CREB5: variants seen among roughly 807,000 people sequenced by gnomAD.
CREB5 encodes cAMP responsive element binding protein 5, also known as cyclic AMP-responsive element-binding protein 5.
A neutral mutation model predicts 57.1 loss-of-function variants in CREB5; 19 were observed. The ratio of observed to expected loss-of-function variants is 0.33; its 90% CI spans 0.23 to 0.49. The LOEUF (loss-of-function observed/expected upper bound fraction) is 0.49, where lower values mean the gene tolerates loss of function less well. Ranked by LOEUF, CREB5 falls within the 20% of genes least tolerant of loss-of-function variation. CREB5 has a pLI of 0.99. For missense variants in CREB5, 579 were observed against 671.6 expected, an observed-to-expected ratio of 0.86 and a Z score of 1.52; for synonymous variants, 238 against 238.3, an observed-to-expected ratio of 1.00 and a Z score of 0.01.
At position 28,560,913 on chromosome 7, in the gene CREB5, T is replaced by TGTGC. The variant is rs1211404751; in HGVS notation, c.292-9451_292-9450insTGCG. 1.0e-3 allele frequency among the ~76,000 whole-genome samples: 22 copies of TGTGC among 21,992 alleles called. 2 individuals carry two copies. Among genetic ancestry groups the TGTGC allele is most frequent in the African/African-American group, 1.8e-3 (11 of 6,002 alleles). The allele number at this position is 21,992 out of a possible 152,430, so 14.4% of individuals were successfully genotyped here. A position where few individuals can be genotyped will look rare whatever the true frequency, so the allele number is the denominator to read the frequency against. On this transcript the variant is annotated intron_variant, in intron 4 of 10. Transcript: ENST00000357727. ...GTGTGTGTGCGTGCGCGCGTGCGTGTGCGTGTGTGCGCGTGCGTGTGTGCG... is the reference window on the plus strand; with the variant it reads ...GTGTGTGTGCGTGCGCGCGTGCGTGTGTGCGCGTGTGTGCGCGTGCGTGTGTGCG...
chr7:28,313,427 G>A (rs374372659), intron 1 of CREB5, among the ~76,000 whole-genome samples: 1 of 152,256 alleles, frequency 6.6e-6, no homozygotes, highest in East Asian at 1.9e-4. Flanking sequence ...TTAACAGAAA[G>A]TATTTTTATT....
intron 5 of CREB5, among the ~76,000 whole-genome samples, chr7:28,713,451 T>TAAAA (rs1802511743): frequency 6.6e-6 from 1 of 152,252 alleles, no homozygotes. Context: ...AAAGCCTTTT[T>TAAAA]AATCAACTTC....
chr7:28,666,847 A>C (rs1429462963), intron 5 of CREB5, among the ~76,000 whole-genome samples: 1 of 151,954 alleles, frequency 6.6e-6, no homozygotes, highest in African/African-American at 2.4e-5. Flanking sequence ...CGGGAGGATC[A>C]ATTGAGCTCA....
chr7:28,300,098 A>G (rs1342832716), intron 1 of CREB5, among the ~76,000 whole-genome samples: 1 of 117,298 alleles, frequency 8.5e-6, no homozygotes, highest in African/African-American at 3.2e-5. Flanking sequence ...TTATTTATTT[A>G]TTACTACCTT....
At chr7:28,676,240 T>C (rs1800317534) in intron 5 of CREB5, among the ~76,000 whole-genome samples, 1 of 152,188 alleles carries the variant, frequency 6.6e-6, no homozygotes, top group South Asian at 2.1e-4. Context: ...ACACACAGAT[T>C]ATTGCATTAT....
chr7:28,368,690 T>A (rs6948592), intron 1 of CREB5, among the ~76,000 whole-genome samples: 1 of 152,020 alleles, frequency 6.6e-6, no homozygotes, highest in African/African-American at 2.4e-5. Context: ...CTTTTAGAAA[T>A]CCTCCCTGAC....
intron 1 of CREB5, among the ~76,000 whole-genome samples, chr7:28,455,244 C>T (rs531827852): frequency 3.9e-5 from 6 of 152,152 alleles, no homozygotes; most frequent in East Asian, 1.9e-4. Context: ...AGCCCCGAGC[C>T]GAACTGCAGG....
At position 28,588,583 on chromosome 7, in the gene CREB5, C is replaced by T. The variant is rs567210533; in HGVS notation, c.464+18046C>T. 3.3e-5 allele frequency among the ~76,000 whole-genome samples: 5 copies of T among 152,222 alleles called. No individual in the cohort carries two copies. In the South Asian group the frequency reaches 8.3e-4, roughly 25 times the overall value. ...TGTTTTTATCTTCTTCAGTACCTTT[C>T]AACAAAATACGCATCCTTCATTCAG... On this transcript the variant is annotated intron_variant, in intron 5 of 10. Transcript: ENST00000357727.
chr7:28,445,232 C>T (rs777811208), intron 1 of CREB5, among the ~76,000 whole-genome samples: 3 of 152,178 alleles, frequency 2.0e-5, no homozygotes, highest in Non-Finnish European at 2.9e-5. Flanking sequence ...TTATAAATTA[C>T]TCAGTCTCAG....
rs550409575 is a variant in CREB5 at position 28,507,677 on chromosome 7, G to T, written c.231G>T (p.Glu77Asp). 37 of 1,612,774 alleles carry T rather than the reference G, an allele frequency of 2.3e-5. No homozygotes were observed. Among genetic ancestry groups the T allele is most frequent in the Non-Finnish European group, 3.1e-5 (37 of 1,179,054 alleles). The change falls in exon 4 of 11, where the codon GAG becomes GAT. Residue 77 changes from glutamate to aspartate, a missense_variant. Coordinates refer to ENST00000357727, the MANE Select transcript of CREB5 (RefSeq NM_182898.4). Reference sequence around the variant, plus strand: ...GCGAGGAGGTGGGCCTCTTCAGCGAGCTGGACTGCTCCCTGGAGCACGAGT... The same window carrying T: ...GCGAGGAGGTGGGCCTCTTCAGCGATCTGGACTGCTCCCTGGAGCACGAGT... The part of the protein sequence containing the change: ...KNCEEVGLFS[E>D]LDCSLEHEFR...
At chr7:28,705,159 T>C (rs1802044353) in intron 5 of CREB5, among the ~76,000 whole-genome samples, 1 of 151,846 alleles carries the variant, frequency 6.6e-6, no homozygotes, top group African/African-American at 2.4e-5. Flanking sequence ...GGTCAGGAGT[T>C]CAAGACCAGC....
chr7:28,495,927 C>T (rs769235346), intron 3 of CREB5, among the ~76,000 whole-genome samples: 3 of 152,040 alleles, frequency 2.0e-5, no homozygotes, highest in Non-Finnish European at 4.4e-5. Flanking sequence ...AATCCATTAG[C>T]TAATTGTGAT....
chr7:28,596,027 A>G (rs1796681303), intron 5 of CREB5, among the ~76,000 whole-genome samples: 1 of 152,196 alleles, frequency 6.6e-6, no homozygotes, highest in South Asian at 2.1e-4. Flanking sequence ...TCACAGTATC[A>G]TGCAATCCCC....
intron 4 of CREB5, among the ~76,000 whole-genome samples, chr7:28,536,504 C>G (rs765154705): frequency 6.6e-6 from 1 of 152,186 alleles, no homozygotes; most frequent in Admixed American, 6.5e-5. Context: ...CAGACCTGAA[C>G]TTCCTTGCAT....
At chr7:28,386,953 A>G (rs11761605) in intron 1 of CREB5, among the ~76,000 whole-genome samples, 62,763 of 152,014 alleles carry the variant, frequency 0.41, 13,669 homozygotes, top group Middle Eastern at 0.51. Context: ...TGTATATACC[A>G]TATTTTCTTT....
In CREB5 at chr7:28,785,928, C is replaced by T. The variant is rs1007388788; in HGVS notation, c.703-18271C>T. On this transcript the variant is annotated intron_variant, in intron 7 of 10. Transcript: ENST00000357727. ...CCTGTTTAAAGGGTCATATGGAAAC[C>T]TCTGAGCAGACTTCTACATTATATC... Among the ~76,000 whole-genome samples the T allele has an allele frequency of 2.0e-5, 3 of 152,306 alleles. No homozygotes were observed. In the South Asian group the frequency reaches 6.2e-4, roughly 32 times the overall value.
intron 4 of CREB5, among the ~76,000 whole-genome samples, chr7:28,561,691 GTTATT>G (rs1397179177): frequency 6.6e-6 from 1 of 152,206 alleles, no homozygotes; most frequent in East Asian, 1.9e-4. Flanking sequence ...GCAGGCACTG[GTTATT>G]TTCAGGTGAA....
chr7:28,730,621 T>C (rs887007019), intron 7 of CREB5, among the ~76,000 whole-genome samples: 2 of 152,190 alleles, frequency 1.3e-5, no homozygotes, highest in Non-Finnish European at 1.5e-5. Context: ...TTAATTGTAA[T>C]GTTTAGCCAG....
At chr7:28,520,714 G>A (rs1163354117) in intron 4 of CREB5, among the ~76,000 whole-genome samples, 1 of 152,214 alleles carries the variant, frequency 6.6e-6, no homozygotes, top group Admixed American at 6.5e-5. Flanking sequence ...TCTCTTCAGA[G>A]CACACACTTT....
Sources: allele counts gnomAD v4.1 joint callset (sites outside exome capture counted in the v4.1 genomes callset), GRCh38; gene constraint gnomAD v4.1.1; transcripts MANE v1.5; gene names NCBI Gene and HGNC (gene_info 2026-07-23, HGNC 2026-07-21).